The following THBD variants were observed in gnomAD, a reference collection of about 807,000 sequenced individuals.
The protein encoded by THBD is CD141 antigen.
For synonymous variants in THBD, 449 were observed against 374.2 expected, an observed-to-expected ratio of 1.20 and a Z score of -2.31; for missense variants, 850 against 816.9, an observed-to-expected ratio of 1.04 and a Z score of -0.49.
At position 23,049,087 on chromosome 20, in the gene THBD, C is replaced by G; in HGVS notation, c.418G>C (p.Val140Leu). 1 of 1,581,970 alleles carries G rather than the reference C, an allele frequency of 6.3e-7. No individual in the cohort carries two copies. Among genetic ancestry groups the G allele is most frequent in the Non-Finnish European group, 8.6e-7 (1 of 1,166,024 alleles). The change falls in exon 1 of 1, where the codon GTC (valine) becomes CTC (leucine). Residue 140 changes from valine (V) to leucine (L), a missense_variant. Coordinates refer to ENST00000377103, the MANE Select transcript of THBD (RefSeq NM_000361.3). ...APLCGPLCVA[V>L]SAAEATVPSE... ...GGCACAGTGGCCTCAGCAGCGGAGA[C>G]AGCGACGCACAACGGGCCGCAGAGG... is the stretch of plus-strand genomic sequence containing the variant.
Position 23,045,960 on chromosome 20 carries a change from C to T in THBD, c.*1817G>A, listed in dbSNP as rs1253825622. On this transcript the variant is annotated 3_prime_UTR_variant, in exon 1 of 1. Transcript: ENST00000377103. ...CATTTAATGACATAAAATGAGGGCA[C>T]TGAGGGAGGAAAAGTGAACAGACAC... 1.3e-5 allele frequency: 2 copies of T among 151,986 alleles called. No individual in the cohort carries two copies. Among genetic ancestry groups the T allele is most frequent in the Non-Finnish European group, 2.9e-5 (2 of 68,010 alleles). 9.4% of individuals were successfully genotyped at this position (151,986 alleles called of 1,614,324 possible). A position where few individuals can be genotyped will look rare whatever the true frequency, so the allele number is the denominator to read the frequency against.
chr20:23,049,103 G>C lies in THBD; in HGVS notation c.402C>G (p.Gly134=). 6.3e-7 allele frequency: 1 copy of C among 1,588,440 alleles called. No individual in the cohort carries two copies. Among genetic ancestry groups the C allele is most frequent in the Non-Finnish European group, 8.6e-7 (1 of 1,169,144 alleles). The change falls in exon 1 of 1, where the codon GGC becomes GGG. Residue 134 remains glycine, a synonymous_variant. Transcript: ENST00000377103. ...RLDLNGAPLC[G]PLCVAVSAAE... is the part of the protein sequence containing the mutation. The stretch of plus-strand genomic sequence containing the variant: ...CAGCGGAGACAGCGACGCACAACGG[G>C]CCGCAGAGGGGAGCCCCATTGAGGT...
chr20:23,049,468 C>G lies in THBD; in HGVS notation c.37G>C (p.Ala13Pro). The G allele has an allele frequency of 6.5e-7, 1 of 1,545,242 alleles. No individual in the cohort carries two copies. The highest frequency in any genetic ancestry group is 8.7e-7 in the Non-Finnish European group (1 of 1,146,150). The stretch of plus-strand genomic sequence containing the variant: ...GCGGGTGCGGGGAACCCCAGGCCGG[C>G]CAGGGCCAGCGCGCCAAGGACCAGG... The part of the protein sequence containing the change: ...GVLVLGALAL[A>P]GLGFPAPAEP... The change falls in exon 1 of 1, where the codon GCC becomes CCC. Residue 13 changes from alanine to proline, a missense_variant. Transcript: ENST00000377103.
Position 23,049,529 on chromosome 20 carries a change from G to C in THBD, c.-25C>G. 1 of 1,533,022 alleles carries C rather than the reference G, an allele frequency of 6.5e-7. No homozygotes were observed. The allele number at this position is 1,533,022 out of a possible 1,614,324, so 95.0% of individuals were successfully genotyped here. ...TGTTACCCAGGCGCGCCGCGTGCAG[G>C]CGCCGGGGAAAGCGCGGGCACTGCG... is the stretch of plus-strand genomic sequence containing the variant. On this transcript the variant is annotated 5_prime_UTR_variant, in exon 1 of 1. Transcript: ENST00000377103.
chr20:23,049,203 C>G lies in THBD; in HGVS notation c.302G>C (p.Arg101Pro), dbSNP rs546519295. The stretch of plus-strand genomic sequence containing the variant: ...CTGGAAGCCGCGCAGGGGCCCGAGG[C>G]GCTTGGGGTCGCCGCAGCCGGGTGG... ...QLPPGCGDPK[R>P]LGPLRGFQWV... The change falls in exon 1 of 1, where the codon CGC becomes CCC. Residue 101 changes from arginine to proline, a missense_variant. Coordinates refer to ENST00000377103, the MANE Select transcript of THBD (RefSeq NM_000361.3). The G allele has an allele frequency of 3.3e-5, 52 of 1,560,750 alleles. No homozygotes were observed. In the African/African-American group the frequency reaches 6.6e-4, roughly 20 times the overall value.
rs922265393 is a variant in THBD at position 23,049,003 on chromosome 20, C to T, written c.502G>A (p.Glu168Lys). 3.2e-6 allele frequency: 5 copies of T among 1,571,252 alleles called. No individual in the cohort carries two copies. Among genetic ancestry groups the T allele is most frequent in the Non-Finnish European group, 4.3e-6 (5 of 1,159,204 alleles). ...CTGCAGGTGGCTGGGAAGTGGAACT[C>T]GCAGAGGAAGCCATCGGCCTTCACT... ...CEVKADGFLC[E>K]FHFPATCRPL... The change falls in exon 1 of 1, where the codon GAG becomes AAG. Residue 168 changes from glutamate (E) to lysine (K), a missense_variant. Glu to Lys is a moderately conservative substitution (Grantham distance 56). Coordinates refer to ENST00000377103, the MANE Select transcript of THBD (RefSeq NM_000361.3).
rs946425875 is a variant in THBD, at chr20:23,046,334, T to C, written c.*1443A>G. On this transcript the variant is annotated 3_prime_UTR_variant, in exon 1 of 1. Coordinates refer to ENST00000377103, the MANE Select transcript of THBD (RefSeq NM_000361.3). ...AAAATAAGGGCCTGACTTGGCCTGCTACTTATAACTGATCTATATTTCATG... is the reference window on the plus strand; with the variant it reads ...AAAATAAGGGCCTGACTTGGCCTGCCACTTATAACTGATCTATATTTCATG... 3.3e-5 allele frequency: 5 copies of C among 152,344 alleles called. No individual in the cohort carries two copies. The highest frequency in any genetic ancestry group is 4.4e-5 in the Non-Finnish European group (3 of 68,042). The allele number at this position is 152,344 out of a possible 1,614,324, so 9.4% of individuals were successfully genotyped here.
rs1371599319 is a variant in THBD at position 23,047,472 on chromosome 20, C to T, written c.*305G>A. 10 of 497,668 alleles carry T rather than the reference C, an allele frequency of 2.0e-5. No individual in the cohort carries two copies. Among genetic ancestry groups the T allele is most frequent in the Admixed American group, 3.7e-5 (1 of 27,044 alleles). The allele number at this position is 497,668 out of a possible 1,614,324, so 30.8% of individuals were successfully genotyped here. The stretch of plus-strand genomic sequence containing the variant: ...GGTCAAGGTCTGCCCAGAAGGCTGC[C>T]GACCAATAACGCTCACCCTCCTGCG... On this transcript the variant is annotated 3_prime_UTR_variant, in exon 1 of 1. Coordinates refer to ENST00000377103, the MANE Select transcript of THBD (RefSeq NM_000361.3).
At position 23,048,765 on chromosome 20, in the gene THBD, A is replaced by G. The variant is rs1196065553; in HGVS notation, c.740T>C (p.Val247Ala). ...REAPGAWDCS[V>A]ENGGCEHACN... Reference sequence around the variant, plus strand: ...CGCGTGCTCGCAGCCGCCGTTCTCCACGCTGCAGTCCCAAGCGCCCGGCGC... The same window carrying G: ...CGCGTGCTCGCAGCCGCCGTTCTCCGCGCTGCAGTCCCAAGCGCCCGGCGC... Residue 247 changes from valine to alanine, a missense_variant, in exon 1 of 1, where the codon GTG (valine) becomes GCG (alanine). Physicochemically the swap from Val to Ala is moderately conservative, Grantham distance 64 (BLOSUM62 0). Transcript: ENST00000377103. 1.9e-6 allele frequency: 3 copies of G among 1,556,490 alleles called. No individual in the cohort carries two copies. In the Admixed American group the frequency reaches 5.6e-5, roughly 29 times the overall value.
chr20:23,048,422 C>T lies in THBD; in HGVS notation c.1083G>A (p.Glu361=), dbSNP rs370377519. The change falls in exon 1 of 1, where the codon GAG becomes GAA. Residue 361 remains glutamate (E), a synonymous_variant. Transcript: ENST00000377103. ...CYPNYDLVDG[E]CVEPVDPCFR... ...AGCACGGGTCCACGGGCTCCACACA[C>T]TCGCCGTCCACCAGGTCGTAGTTAG... 1.9e-5 allele frequency: 31 copies of T among 1,613,856 alleles called. 1 individual carries two copies. In the East Asian group the frequency reaches 2.9e-4, roughly 15 times the overall value.
In THBD at chr20:23,049,376, C is replaced by G. The variant is rs775090301; in HGVS notation, c.129G>C (p.Ala43=). 4.0e-5 allele frequency: 64 copies of G among 1,602,222 alleles called. No homozygotes were observed. The highest frequency in any genetic ancestry group is 5.4e-5 in the Non-Finnish European group (63 of 1,175,514). ...AGATCTGACTGGCATTGAGGAAGGTCGCGGGGCCCGGGTAGAGCGCGAAGC... is the reference window on the plus strand; with the variant it reads ...AGATCTGACTGGCATTGAGGAAGGTGGCGGGGCCCGGGTAGAGCGCGAAGC... The part of the protein sequence containing the change: ...HDCFALYPGP[A]TFLNASQICD... The change falls in exon 1 of 1, where the codon GCG becomes GCC. Residue 43 remains alanine (A), a synonymous_variant. Transcript: ENST00000377103.
chr20:23,048,098 G>A lies in THBD; in HGVS notation c.1407C>T (p.Asp469=), dbSNP rs547020473. Residue 469 remains aspartate, a synonymous_variant, in exon 1 of 1, where the codon GAC becomes GAT. Coordinates refer to ENST00000377103, the MANE Select transcript of THBD (RefSeq NM_000361.3). ...TGCCAATGTGGCGGGCAAGGGCCGA[G>A]TCGGGCCCGCAGATGCACTCGAAGG... ...PGTFECICGP[D]SALARHIGTD... 1.2e-5 allele frequency: 19 copies of A among 1,612,954 alleles called. No individual in the cohort carries two copies. In the African/African-American group the frequency reaches 1.3e-4, roughly 11 times the overall value.
At position 23,049,264 on chromosome 20, in the gene THBD, C is replaced by G. The variant is rs772288987; in HGVS notation, c.241G>C (p.Val81Leu). 2.6e-6 allele frequency: 4 copies of G among 1,546,332 alleles called. No individual in the cohort carries two copies. The highest frequency in any genetic ancestry group is 1.4e-5 in the African/African-American group (1 of 72,634). The change falls in exon 1 of 1, where the codon GTT (valine) becomes CTT (leucine). Residue 81 changes from valine (V) to leucine (L), a missense_variant. Physicochemically the swap from Val to Leu is conservative, Grantham distance 32. Coordinates refer to ENST00000377103, the MANE Select transcript of THBD (RefSeq NM_000361.3). ...CCGATCCAGAGGCGCCGGCGGCCAA[C>G]GCCGCCGTCGCCGTTCAGTAGCAAG... is the stretch of plus-strand genomic sequence containing the variant. ...ISLLLNGDGG[V>L]GRRRLWIGLQ...
At position 23,047,594 on chromosome 20, in the gene THBD, A is replaced by AT; in HGVS notation, c.*182_*183insA. ...TCCAGTGACGTCACGGAAGAGGCCGAGGCTCATTCTCCTCCCTCTAATCAC... is the reference window on the plus strand; with the variant it reads ...TCCAGTGACGTCACGGAAGAGGCCGATGGCTCATTCTCCTCCCTCTAATCAC... On this transcript the variant is annotated 3_prime_UTR_variant, in exon 1 of 1. Coordinates refer to ENST00000377103, the MANE Select transcript of THBD (RefSeq NM_000361.3). 2 of 710,474 alleles carry AT rather than the reference A, an allele frequency of 2.8e-6. No homozygotes were observed. Among genetic ancestry groups the AT allele is most frequent in the Non-Finnish European group, 4.6e-6 (2 of 438,252 alleles). The allele number at this position is 710,474 out of a possible 1,614,324, so 44.0% of individuals were successfully genotyped here.
At position 23,047,744 on chromosome 20, in the gene THBD, C is replaced by T; in HGVS notation, c.*33G>A. The T allele has an allele frequency of 7.1e-6, 11 of 1,541,902 alleles. No homozygotes were observed. The highest frequency in any genetic ancestry group is 9.6e-6 in the Non-Finnish European group (11 of 1,143,826). On this transcript the variant is annotated 3_prime_UTR_variant, in exon 1 of 1. Coordinates refer to ENST00000377103, the MANE Select transcript of THBD (RefSeq NM_000361.3). ...GCTGGGGGTGAGGAGGCACAGGCTC[C>T]TGGACGGAGCCAGGCTCCTGGACGG... is the stretch of plus-strand genomic sequence containing the variant.
chr20:23,046,703 A>G lies in THBD; in HGVS notation c.*1074T>C, dbSNP rs1984580248. The G allele has an allele frequency of 6.6e-6, 1 of 152,224 alleles. No homozygotes were observed. The highest frequency in any genetic ancestry group is 1.5e-5 in the Non-Finnish European group (1 of 68,030). 9.4% of individuals were successfully genotyped at this position (152,224 alleles called of 1,614,324 possible). ...CAGTGACAAGGAACAGTGACAGTCA[A>G]TTGCTAATTGGCATGAATCATGCAG... is the stretch of plus-strand genomic sequence containing the variant. On this transcript the variant is annotated 3_prime_UTR_variant, in exon 1 of 1. Coordinates refer to ENST00000377103, the MANE Select transcript of THBD (RefSeq NM_000361.3).
In THBD at chr20:23,049,419, T is replaced by C; in HGVS notation, c.86A>G (p.Gln29Arg). ...CGCGAAGCAGTCGTGCTCGACGCACTGGCTGCCACCCGGCTGCGGCTCTGC... is the reference window on the plus strand; with the variant it reads ...CGCGAAGCAGTCGTGCTCGACGCACCGGCTGCCACCCGGCTGCGGCTCTGC... ...APAEPQPGGS[Q>R]CVEHDCFALY... is the part of the protein sequence containing the mutation. The change falls in exon 1 of 1, where the codon CAG becomes CGG. Residue 29 changes from glutamine (Q) to arginine (R), a missense_variant. Transcript: ENST00000377103. The C allele has an allele frequency of 6.3e-7, 1 of 1,576,072 alleles. No homozygotes were observed.
chr20:23,047,934 G>T lies in THBD; in HGVS notation c.1571C>A (p.Ala524Glu). 2 of 1,609,652 alleles carry T rather than the reference G, an allele frequency of 1.2e-6. No individual in the cohort carries two copies. The highest frequency in any genetic ancestry group is 1.7e-6 in the Non-Finnish European group (2 of 1,178,484). Residue 524 changes from alanine (A) to glutamate (E), a missense_variant, in exon 1 of 1, where the codon GCG becomes GAG. By Grantham distance (107) the Ala-to-Glu change is moderately radical. Transcript: ENST00000377103. Reference sequence around the variant, plus strand: ...AAGCGCCACCACCAGGCACAGGCTCGCGATGGAGATGCCTATGAGCAAGCC... The same window carrying T: ...AAGCGCCACCACCAGGCACAGGCTCTCGATGGAGATGCCTATGAGCAAGCC... Reference protein sequence around the residue: ...HSGLLIGISIASLCLVVALLA... With the variant: ...HSGLLIGISIESLCLVVALLA...
In THBD at chr20:23,047,663, G is replaced by C; in HGVS notation, c.*114C>G. 7.8e-7 allele frequency: 1 copy of C among 1,285,408 alleles called. No individual in the cohort carries two copies. Among genetic ancestry groups the C allele is most frequent in the Non-Finnish European group, 1.1e-6 (1 of 946,590 alleles). The allele number at this position is 1,285,408 out of a possible 1,614,324, so 79.6% of individuals were successfully genotyped here. A position where few individuals can be genotyped will look rare whatever the true frequency, so the allele number is the denominator to read the frequency against. The stretch of plus-strand genomic sequence containing the variant: ...TGGAATAGAAGAAAACAGCTTGGGG[G>C]GTGCGGGGAGGGTCTTCTCCAGCTG... On this transcript the variant is annotated 3_prime_UTR_variant, in exon 1 of 1. Coordinates refer to ENST00000377103, the MANE Select transcript of THBD (RefSeq NM_000361.3).
Sources: allele counts gnomAD v4.1 joint callset, GRCh38; gene constraint gnomAD v4.1.1; transcripts MANE v1.5; gene names NCBI Gene and HGNC (gene_info 2026-07-23, HGNC 2026-07-21).